The following ANOS1 variants were observed in gnomAD, a reference collection of about 807,000 sequenced individuals.
The protein encoded by ANOS1 is anosmin 1, also known as anosmin-1.
A neutral mutation model predicts 59.0 loss-of-function variants in ANOS1; 6 were observed. The ratio of observed to expected loss-of-function variants is 0.10; its 90% confidence interval spans 0.06 to 0.20. The LOEUF (loss-of-function observed/expected upper bound fraction) is 0.20. Among genes scored for constraint, ANOS1 ranks in the 10% least tolerant of loss-of-function variants. The pLI is 1.00. For missense variants in ANOS1, 433 were observed against 542.3 expected (o/e 0.80, Z 2.00); for synonymous variants, 217 against 223.4 (o/e 0.97, Z 0.25).
chrX:8,685,656 GAA>G (rs1221490040), intron 2 of ANOS1, among the ~76,000 whole-genome samples: 1,419 of 92,612 alleles, frequency 0.015, 19 homozygotes, highest in Non-Finnish European at 0.02. Context: ...AAGAAAGAAA[GAA>G]AAAGAAAGGA....
chrX:8,731,839 C>A lies in ANOS1; in HGVS notation c.198G>T (p.Gln66His). The change falls in exon 1 of 14, where the codon CAG becomes CAT. Residue 66 changes from glutamine (Q) to histidine (H), a missense_variant. Physicochemically the swap from Gln to His is conservative, Grantham distance 24. Coordinates refer to ENST00000262648, the MANE Select transcript of ANOS1 (RefSeq NM_000216.4). Reference protein sequence around the residue: ...LQITRISAFFQHFQNNGSLVW... With the variant: ...LQITRISAFFHHFQNNGSLVW... ...GGGGGCCTCCCCGTACCTGGAAGTGCTGGAAGAAGGCGGAGATGCGAGTGA... is the reference window on the plus strand; with the variant it reads ...GGGGGCCTCCCCGTACCTGGAAGTGATGGAAGAAGGCGGAGATGCGAGTGA... The A allele has an allele frequency of 8.4e-7, 1 of 1,192,466 alleles. No homozygotes were observed.
intron 2 of ANOS1, among the ~76,000 whole-genome samples, chrX:8,685,604 GAAAGAAAGAAAGAAAGAAAGA>G (rs1932503381): frequency 3.0e-5 from 2 of 65,696 alleles, no homozygotes; most frequent in African/African-American, 1.5e-4. Context: ...AAGGAAGAAA[GAAAGAAAGAAAGAAAGAAAGA>G]AAGAAAGAAA....
At chrX:8,613,043 C>T (rs1167717270) in intron 3 of ANOS1, among the ~76,000 whole-genome samples, 1 of 112,263 alleles carries the variant, frequency 8.9e-6, no homozygotes, top group Non-Finnish European at 1.9e-5. Context: ...CTGCTAGTTA[C>T]ATGAGATGAG....
chrX:8,535,704 T>C lies in ANOS1; in HGVS notation c.1729A>G (p.Asn577Asp). The C allele has an allele frequency of 8.3e-7, 1 of 1,210,791 alleles. No individual in the cohort carries two copies. ...AACCCAGTCATGGGCTGATAGAGAT[T>C]GGCCTTGGCCATCTTCCAAGAAAAG... ...GHFSWKMAKA[N>D]LYQPMTGFQV... The change falls in exon 12 of 14, where the codon AAT (asparagine) becomes GAT (aspartate). Residue 577 changes from asparagine to aspartate, a missense_variant. Physicochemically the swap from Asn to Asp is conservative, Grantham distance 23. Coordinates refer to ENST00000262648, the MANE Select transcript of ANOS1 (RefSeq NM_000216.4).
At chrX:8,554,762 T>G (rs1929922920) in intron 8 of ANOS1, among the ~76,000 whole-genome samples, 1 of 108,394 alleles carries the variant, frequency 9.2e-6, no homozygotes, top group Non-Finnish European at 1.9e-5. Flanking sequence ...ACACTTAGAC[T>G]CCCACACAAT....
chrX:8,683,389 T>C (rs1288325870), intron 2 of ANOS1, among the ~76,000 whole-genome samples: 3 of 111,095 alleles, frequency 2.7e-5, no homozygotes, highest in Non-Finnish European at 5.7e-5. Context: ...GTGATGGAGC[T>C]AGTGAATCCC....
rs561244526 is a variant in ANOS1 at position 8,692,789 on chromosome X, C to G, written c.255+6909G>C. Among the ~76,000 whole-genome samples the G allele has an allele frequency of 3.3e-4, 37 of 111,910 alleles. No homozygotes were observed. In the South Asian group the frequency reaches 0.014, roughly 41 times the overall value. ...TATCATATCTCTCCATCAGTATTCA[C>G]TCTTCATCAAAGCTACTATAAAAAT... On this transcript the variant is annotated intron_variant, in intron 2 of 13. Transcript: ENST00000262648.
At chrX:8,698,187 T>C (rs1296841588) in intron 2 of ANOS1, among the ~76,000 whole-genome samples, 2 of 112,401 alleles carry the variant, frequency 1.8e-5, no homozygotes, top group African/African-American at 6.5e-5. Context: ...CAAAAAGGAT[T>C]GCTTTCTTTC....
intron 6 of ANOS1, among the ~76,000 whole-genome samples, chrX:8,582,831 T>C (rs777053706): frequency 2.5e-3 from 274 of 111,678 alleles, no homozygotes; most frequent in African/African-American, 8.3e-3. Flanking sequence ...AGGAAGCTAA[T>C]ACAATTCCCA....
intron 3 of ANOS1, among the ~76,000 whole-genome samples, chrX:8,617,079 T>C (rs1199160136): frequency 1.1e-4 from 12 of 112,423 alleles, no homozygotes; most frequent in African/African-American, 3.9e-4. Flanking sequence ...GGGGAAGCTA[T>C]TGTTCTGATA....
chrX:8,535,769 G>C lies in ANOS1; in HGVS notation c.1664C>G (p.Ser555Cys), dbSNP rs201645112. ...CACATCCTGGACGATGAATGAAGCAGAAAGGTTCTCAGGCTTAGCTAGCAC... is the reference window on the plus strand; with the variant it reads ...CACATCCTGGACGATGAATGAAGCACAAAGGTTCTCAGGCTTAGCTAGCAC... ...SKVLAKPENL[S>C]ASFIVQDVNI... Residue 555 changes from serine (S) to cysteine (C), a missense_variant, in exon 12 of 14, where the codon TCT becomes TGT. By Grantham distance (112) the Ser-to-Cys change is moderately radical. Coordinates refer to ENST00000262648, the MANE Select transcript of ANOS1 (RefSeq NM_000216.4). 1.5e-5 allele frequency: 18 copies of C among 1,210,473 alleles called. No homozygotes were observed. Among genetic ancestry groups the C allele is most frequent in the South Asian group, 1.8e-5 (1 of 56,873 alleles).
At chrX:8,668,188 C>A (rs1200146160) in intron 2 of ANOS1, among the ~76,000 whole-genome samples, 1 of 107,256 alleles carries the variant, frequency 9.3e-6, no homozygotes, top group Non-Finnish European at 1.9e-5. Context: ...ACCCCCTTCT[C>A]ACCCTTTCCC....
chrX:8,600,070 A>T (rs201589132), intron 3 of ANOS1, among the ~76,000 whole-genome samples: 3 of 112,270 alleles, frequency 2.7e-5, no homozygotes, highest in East Asian at 5.6e-4. Flanking sequence ...ATTTCAACGT[A>T]AATGATTCTC....
chrX:8,586,789 T>G (rs1158176206), intron 5 of ANOS1, among the ~76,000 whole-genome samples: 1 of 102,569 alleles, frequency 9.7e-6, no homozygotes, highest in African/African-American at 3.6e-5. Context: ...TTTGACCAGG[T>G]TTTTTTTTTT....
At chrX:8,725,663 TA>T (rs1186543544) in intron 1 of ANOS1, among the ~76,000 whole-genome samples, 8 of 51,405 alleles carry the variant, frequency 1.6e-4, no homozygotes, top group Admixed American at 8.1e-4. Flanking sequence ...TATATATATA[TA>T]CAGATATATA....
chrX:8,725,395 A>T (rs1932903136), intron 1 of ANOS1, among the ~76,000 whole-genome samples: 2 of 109,716 alleles, frequency 1.8e-5, no homozygotes, highest in South Asian at 7.6e-4. Flanking sequence ...TTTATTTTGA[A>T]TAAATATGAT....
chrX:8,590,056 T>C (rs1239745657), intron 4 of ANOS1, among the ~76,000 whole-genome samples: 1 of 111,510 alleles, frequency 9.0e-6, no homozygotes, highest in African/African-American at 3.3e-5. Flanking sequence ...TCAATCTCTT[T>C]TTCTACTGTC....
intron 2 of ANOS1, among the ~76,000 whole-genome samples, chrX:8,685,654 AAGAAAAAG>A (rs1212529553): frequency 5.9e-5 from 6 of 101,028 alleles, no homozygotes; most frequent in Non-Finnish European, 1.0e-4. Flanking sequence ...GAAAGAAAGA[AAGAAAAAG>A]AAAGGAAGGA....
chrX:8,561,615 G>A (rs556152729), intron 8 of ANOS1, among the ~76,000 whole-genome samples: 175 of 106,982 alleles, frequency 1.6e-3, no homozygotes, highest in Middle Eastern at 4.8e-3. Context: ...GCGCCCAGCC[G>A]GCTAATTTTT....
Sources: allele counts gnomAD v4.1 joint callset (sites outside exome capture counted in the v4.1 genomes callset), GRCh38; gene constraint gnomAD v4.1.1; transcripts MANE v1.5; gene names NCBI Gene and HGNC (gene_info 2026-07-23, HGNC 2026-07-21).